The following SNTG1 variants were observed in gnomAD, a reference collection of about 807,000 sequenced individuals.
SNTG1 encodes syntrophin gamma 1, also known as gamma-1-syntrophin.
SNTG1 carries 39 observed loss-of-function variants against 74.7 expected under a neutral mutation model. The ratio of observed to expected loss-of-function variants is 0.52; its 90% confidence interval spans 0.40 to 0.68. The LOEUF is 0.68. Among genes scored for constraint, SNTG1 ranks in the 30% least tolerant of loss-of-function variants. SNTG1 has a pLI of 0.00. For missense variants in SNTG1, 685 were observed against 609.5 expected, an observed-to-expected ratio of 1.12 and a Z score of -1.30; for synonymous variants, 254 against 217.1, an observed-to-expected ratio of 1.17 and a Z score of -1.49.
intron 2 of SNTG1, among the ~76,000 whole-genome samples, chr8:50,382,882 G>T (rs537923324): frequency 1.3e-5 from 2 of 152,144 alleles, no homozygotes; most frequent in South Asian, 2.1e-4. Flanking sequence ...CTGGCAGAAT[G>T]GAAACTCTTG....
chr8:50,009,952 T>C (rs1442361763), intron 1 of SNTG1, among the ~76,000 whole-genome samples: 1 of 152,196 alleles, frequency 6.6e-6, no homozygotes, highest in Non-Finnish European at 1.5e-5. Context: ...GCCGAGATCG[T>C]GCCATTGCAC....
At chr8:50,042,621 A>T (rs1025688641) in intron 1 of SNTG1, among the ~76,000 whole-genome samples, 1 of 152,248 alleles carries the variant, frequency 6.6e-6, no homozygotes, top group East Asian at 1.9e-4. Flanking sequence ...CAGTGGTGTG[A>T]TCATAGCTCT....
At chr8:50,479,942 A>G (rs986072232) in intron 8 of SNTG1, among the ~76,000 whole-genome samples, 1 of 152,158 alleles carries the variant, frequency 6.6e-6, no homozygotes, top group Non-Finnish European at 1.5e-5. Context: ...GGTTCAGTAA[A>G]TGTTAGTTGA....
At chr8:50,329,698 C>T (rs2090887363) in intron 2 of SNTG1, among the ~76,000 whole-genome samples, 2 of 152,250 alleles carry the variant, frequency 1.3e-5, no homozygotes, top group Admixed American at 6.5e-5. Flanking sequence ...GAGAGGCTGC[C>T]ACCAAGATCT....
chr8:50,161,548 C>A (rs544204446), intron 1 of SNTG1, among the ~76,000 whole-genome samples: 1 of 151,980 alleles, frequency 6.6e-6, no homozygotes, highest in Non-Finnish European at 1.5e-5. Flanking sequence ...ATTCTAGGGA[C>A]TTTCCAAGAG....
At chr8:50,479,932 G>C (rs1046763855) in intron 8 of SNTG1, among the ~76,000 whole-genome samples, 1 of 152,042 alleles carries the variant, frequency 6.6e-6, no homozygotes, top group African/African-American at 2.4e-5. Flanking sequence ...TCCTTGAAGA[G>C]GTTCAGTAAA....
At chr8:50,531,539 C>T (rs1478713806) in intron 10 of SNTG1, among the ~76,000 whole-genome samples, 9 of 152,132 alleles carry the variant, frequency 5.9e-5, no homozygotes, top group Admixed American at 5.9e-4. Flanking sequence ...TCGATAATTT[C>T]GATCCACTTC....
rs150488254 is a variant in SNTG1 at position 50,579,954 on chromosome 8, G to A, written c.811-10925G>A. On this transcript the variant is annotated intron_variant, in intron 12 of 18. Coordinates refer to ENST00000642720, the MANE Select transcript of SNTG1 (RefSeq NM_018967.5). The stretch of plus-strand genomic sequence containing the variant: ...GCCACCATTCTCCACACCCCATAAT[G>A]GTAGAACTACTGACGGCTTGCACCG... Among the ~76,000 whole-genome samples the A allele has an allele frequency of 8.0e-3, 1,213 of 152,306 alleles. 15 individuals carry two copies. Among genetic ancestry groups the A allele is most frequent in the African/African-American group, 0.027 (1,107 of 41,568 alleles).
intron 9 of SNTG1, among the ~76,000 whole-genome samples, chr8:50,516,156 G>T (rs987038302): frequency 6.6e-6 from 1 of 152,300 alleles, no homozygotes. Context: ...AGCAAACAGG[G>T]TCTGGAGTGG....
chr8:49,912,696 A>C (rs12549981), intron 1 of SNTG1, among the ~76,000 whole-genome samples: 2 of 152,066 alleles, frequency 1.3e-5, no homozygotes, highest in Admixed American at 1.3e-4. Flanking sequence ...ACATGTATAC[A>C]TATACACCAG....
At chr8:50,782,600 A>G (rs184216558) in intron 18 of SNTG1, among the ~76,000 whole-genome samples, 104 of 152,148 alleles carry the variant, frequency 6.8e-4, no homozygotes, top group African/African-American at 2.3e-3. Flanking sequence ...CTAGTTATAC[A>G]TTCGTCTAAA....
chr8:50,611,810 A>G (rs1371249007), intron 13 of SNTG1, among the ~76,000 whole-genome samples: 1 of 152,154 alleles, frequency 6.6e-6, no homozygotes, highest in African/African-American at 2.4e-5. Context: ...TCTGTCACCC[A>G]GTCTGGAGTG....
intron 1 of SNTG1, among the ~76,000 whole-genome samples, chr8:50,088,886 A>G (rs1374785719): frequency 1.3e-5 from 2 of 149,426 alleles, no homozygotes; most frequent in African/African-American, 2.4e-5. Flanking sequence ...GACTTTCTTC[A>G]CAGAATTGGA....
At chr8:49,987,538 T>C (rs1813280730) in intron 1 of SNTG1, among the ~76,000 whole-genome samples, 1 of 152,140 alleles carries the variant, frequency 6.6e-6, no homozygotes, top group Admixed American at 6.5e-5. Flanking sequence ...GCCCAGAGCA[T>C]TTTTGAATAT....
At chr8:50,365,781 C>A (rs868237202) in intron 2 of SNTG1, among the ~76,000 whole-genome samples, 1 of 151,956 alleles carries the variant, frequency 6.6e-6, no homozygotes, top group Non-Finnish European at 1.5e-5. Flanking sequence ...CCACAAATTA[C>A]GAGTGGTAAA....
At chr8:50,388,553 G>A (rs1017525552) in intron 2 of SNTG1, among the ~76,000 whole-genome samples, 2 of 152,100 alleles carry the variant, frequency 1.3e-5, no homozygotes, top group African/African-American at 4.8e-5. Flanking sequence ...ATCTATATCA[G>A]TCATGGTTCT....
intron 1 of SNTG1, among the ~76,000 whole-genome samples, chr8:50,081,795 G>A (rs1369232551): frequency 6.6e-6 from 1 of 152,016 alleles, no homozygotes; most frequent in African/African-American, 2.4e-5. Context: ...CACCACATCC[G>A]ACTAATTTTG....
chr8:50,758,891 C>T (rs1433808712), intron 18 of SNTG1, among the ~76,000 whole-genome samples: 5 of 152,034 alleles, frequency 3.3e-5, no homozygotes, highest in African/African-American at 9.7e-5. Flanking sequence ...CTTGAGGAAT[C>T]GCCACTCTGT....
At position 50,518,940 on chromosome 8, in the gene SNTG1, C is replaced by T. The variant is rs531654261; in HGVS notation, c.467-11237C>T. Reference sequence around the variant, plus strand: ...AACCATTGAAAAAGAGGGACTCCTCCCTAACTCATTTTATGAGGCCATTAT... The same window carrying T: ...AACCATTGAAAAAGAGGGACTCCTCTCTAACTCATTTTATGAGGCCATTAT... On this transcript the variant is annotated intron_variant, in intron 9 of 18. Coordinates refer to ENST00000642720, the MANE Select transcript of SNTG1 (RefSeq NM_018967.5). Among the ~76,000 whole-genome samples the T allele has an allele frequency of 2.7e-4, 41 of 152,244 alleles. 1 individual carries two copies. The South Asian group carries it at 8.1e-3, about 30-fold the overall frequency.
Sources: gnomAD v4.1 joint callset for allele counts (sites outside exome capture counted in the v4.1 genomes callset) on GRCh38, gnomAD v4.1.1 for gene constraint, MANE v1.5 for transcripts, NCBI Gene and HGNC (gene_info 2026-07-23, HGNC 2026-07-21) for gene names.